DOCK8: variants seen among roughly 807,000 people sequenced by gnomAD.
DOCK8 encodes dedicator of cytokinesis protein 8.
In DOCK8, 141 loss-of-function variants were observed where a neutral mutation model predicts 245.6. The ratio of observed to expected loss-of-function variants is 0.57; its 90% CI spans 0.50 to 0.66. The LOEUF (loss-of-function observed/expected upper bound fraction) is 0.66, where lower values mean the gene tolerates loss of function less well. Among genes scored for constraint, DOCK8 ranks in the 30% least tolerant of loss-of-function variants. DOCK8 has a pLI of 0.00. For missense variants in DOCK8, 2,965 were observed against 2,603.4 expected, an observed-to-expected ratio of 1.14 and a Z score of -3.02; for synonymous variants, 1,168 against 970.2, an observed-to-expected ratio of 1.20 and a Z score of -3.79.
At chr9:335,542 T>G (rs959793113) in intron 11 of DOCK8, among the ~76,000 whole-genome samples, 2 of 152,144 alleles carry the variant, frequency 1.3e-5, no homozygotes, top group African/African-American at 4.8e-5. Context: ...TTCTGGTTCG[T>G]CAATAACAAA....
chr9:226,117 T>G (rs1051269453), intron 1 of DOCK8, among the ~76,000 whole-genome samples: 9 of 152,216 alleles, frequency 5.9e-5, no homozygotes, highest in South Asian at 4.1e-4. Flanking sequence ...AAAAAAGGTT[T>G]AATGGACTTA....
chr9:310,492 C>G lies in DOCK8; in HGVS notation c.529-1462C>G, dbSNP rs141642666. On this transcript the variant is annotated intron_variant, in intron 5 of 47. Coordinates refer to ENST00000432829, the MANE Select transcript of DOCK8 (RefSeq NM_203447.4). ...TTATTTTTTGAGACGGAGTCTCGCT[C>G]TTGTTGCCCAGGCTGGAGTACAGTG... 2.2e-3 allele frequency among the ~76,000 whole-genome samples: 341 copies of G among 152,294 alleles called. 1 individual carries two copies. The highest frequency in any genetic ancestry group is 4.2e-3 in the Non-Finnish European group (283 of 68,032).
intron 2 of DOCK8, among the ~76,000 whole-genome samples, chr9:273,414 T>C (rs1351007091): frequency 6.6e-6 from 1 of 152,238 alleles, no homozygotes; most frequent in African/African-American, 2.4e-5. Flanking sequence ...TAATTTGTGC[T>C]AATATATATT....
At chr9:238,578 C>T (rs527263958) in intron 1 of DOCK8, among the ~76,000 whole-genome samples, 2 of 152,200 alleles carry the variant, frequency 1.3e-5, no homozygotes, top group Non-Finnish European at 2.9e-5. Context: ...GGTAAGTCCT[C>T]ACTTAATGTT....
intron 28 of DOCK8, among the ~76,000 whole-genome samples, chr9:411,911 A>G (rs1043131851): frequency 3.9e-5 from 6 of 152,192 alleles, no homozygotes; most frequent in African/African-American, 1.4e-4. Flanking sequence ...ACACTCAACA[A>G]ACCTTTTAGG....
At chr9:383,495 T>C (rs1182726111) in intron 22 of DOCK8, among the ~76,000 whole-genome samples, 1 of 151,772 alleles carries the variant, frequency 6.6e-6, no homozygotes, top group East Asian at 1.9e-4. Flanking sequence ...TTGTGCCATT[T>C]CACTCTAGCC....
At chr9:272,547 G>A (rs1337695743) in intron 2 of DOCK8, among the ~76,000 whole-genome samples, 1 of 152,066 alleles carries the variant, frequency 6.6e-6, no homozygotes, top group Non-Finnish European at 1.5e-5. Context: ...CACCACACCT[G>A]GCTAATTTTT....
At chr9:399,367 T>G in intron 26 of DOCK8, 108 bp downstream of exon 26, 1 of 818,614 alleles carries the variant, frequency 1.2e-6, no homozygotes, top group Non-Finnish European at 2.1e-6. Context: ...TGAGTTGGCA[T>G]GAATCCTACA....
intron 1 of DOCK8, among the ~76,000 whole-genome samples, chr9:262,232 TAAC>T (rs1433358338): frequency 6.6e-6 from 1 of 152,006 alleles, no homozygotes; most frequent in Non-Finnish European, 1.5e-5. Context: ...TGAAAAATAC[TAAC>T]AACACCAAGT....
At chr9:324,853 G>A (rs1011575001) in intron 7 of DOCK8, among the ~76,000 whole-genome samples, 3 of 151,832 alleles carry the variant, frequency 2.0e-5, no homozygotes, top group African/African-American at 7.2e-5. Flanking sequence ...TGGCTTTAGG[G>A]TAAGTGGTTT....
intron 18 of DOCK8, among the ~76,000 whole-genome samples, chr9:373,035 C>T (rs1485189806): frequency 3.3e-5 from 5 of 151,796 alleles, no homozygotes; most frequent in African/African-American, 7.3e-5. Context: ...GGCGTGGTGG[C>T]GGGTGCCTGT....
In DOCK8 at chr9:234,302, C is replaced by T. The variant is rs150770265; in HGVS notation, c.53+19273C>T. Among the ~76,000 whole-genome samples, 659 of 152,290 alleles carry T rather than the reference C, an allele frequency of 4.3e-3. 7 individuals carry two copies. The highest frequency in any genetic ancestry group is 0.014 in the African/African-American group (600 of 41,558). ...GATAGGCTTCCCTTTGTGGGTAACC[C>T]GACCTTTCTCTCTGGCTGCCCTTAA... On this transcript the variant is annotated intron_variant, in intron 1 of 47. Coordinates refer to ENST00000432829, the MANE Select transcript of DOCK8 (RefSeq NM_203447.4).
intron 9 of DOCK8, 41 bp from the exon 10 acceptor site, chr9:332,357 G>A (rs1563930173): frequency 7.2e-7 from 1 of 1,382,392 alleles, no homozygotes; most frequent in Non-Finnish European, 1.0e-6. Context: ...TTTTATGGAT[G>A]TAATTTATGT....
intron 45 of DOCK8, 64 bp downstream of exon 45, chr9:449,991 G>A: frequency 1.3e-6 from 2 of 1,570,970 alleles, no homozygotes; most frequent in Non-Finnish European, 8.7e-7. Context: ...TTATACGTCT[G>A]CACCCTTCTT....
chr9:335,284 G>C (rs2051256692), intron 11 of DOCK8, among the ~76,000 whole-genome samples: 1 of 152,090 alleles, frequency 6.6e-6, no homozygotes, highest in Non-Finnish European at 1.5e-5. Context: ...ATTTTCAAAA[G>C]GGTTGCAAAT....
At chr9:267,682 T>C (rs1437188814) in intron 1 of DOCK8, among the ~76,000 whole-genome samples, 1 of 152,258 alleles carries the variant, frequency 6.6e-6, no homozygotes, top group African/African-American at 2.4e-5. Flanking sequence ...TATTTTTTAC[T>C]GTAGCTTACT....
rs1462351448 is a variant in DOCK8, at chr9:421,003, G to T, written c.4078G>T (p.Val1360Phe). ...CCAAGTCCTGCAGAAGTCAAGGGAT[G>T]TCAAGGCCCGGCTGGAAGAGGCTTT... ...STQVLQKSRD[V>F]KARLEEALLR... Residue 1360 changes from valine (V) to phenylalanine (F), a missense_variant, in exon 32 of 48, where the codon GTC becomes TTC. Transcript: ENST00000432829. The T allele has an allele frequency of 5.6e-6, 9 of 1,614,216 alleles. No individual in the cohort carries two copies. The highest frequency in any genetic ancestry group is 7.6e-6 in the Non-Finnish European group (9 of 1,180,034).
At chr9:215,251 G>A (rs368323357) in intron 1 of DOCK8, 29 of 1,594,000 alleles carry the variant, frequency 1.8e-5, no homozygotes, top group Non-Finnish European at 2.3e-5. Flanking sequence ...AAGAATCTCG[G>A]TGCTCCTGGA....
chr9:414,552 A>G (rs886889314), intron 28 of DOCK8, among the ~76,000 whole-genome samples: 5 of 151,600 alleles, frequency 3.3e-5, no homozygotes, highest in African/African-American at 1.2e-4. Context: ...GGGTTAGAAC[A>G]CAGGCAGTCT....
Sources: allele counts gnomAD v4.1 joint callset (sites outside exome capture counted in the v4.1 genomes callset), GRCh38; gene constraint gnomAD v4.1.1; transcripts MANE v1.5; gene names NCBI Gene and HGNC (gene_info 2026-07-23, HGNC 2026-07-21).